MCF2L2: variants seen among roughly 807,000 people sequenced by gnomAD.
MCF2L2 encodes the protein probable guanine nucleotide exchange factor MCF2L2.
MCF2L2 carries 102 observed loss-of-function variants against 150.2 expected under a neutral mutation model. That is an observed-to-expected ratio of 0.68 (90% CI 0.58 to 0.80). The LOEUF (loss-of-function observed/expected upper bound fraction) is 0.80, where lower values mean the gene tolerates loss of function less well. Ranked by LOEUF, MCF2L2 falls within the 30% of genes least tolerant of loss-of-function variation. The probability of loss-of-function intolerance (pLI) is 0.00; values close to 1 mark genes in which losing one functional copy is unlikely to be tolerated. For synonymous variants in MCF2L2, 465 were observed against 491.3 expected (o/e 0.95, Z 0.71); for missense variants, 1,256 against 1,372.8 (o/e 0.91, Z 1.34).
At chr3:183,247,798 G>A (rs1177475704) in intron 15 of MCF2L2, among the ~76,000 whole-genome samples, 1 of 152,156 alleles carries the variant, frequency 6.6e-6, no homozygotes, top group Non-Finnish European at 1.5e-5. Context: ...ATGGGAGAGT[G>A]TGCATAGGTT....
intron 3 of MCF2L2, among the ~76,000 whole-genome samples, chr3:183,371,465 C>CT (rs56835227): frequency 0.01 from 1,268 of 126,010 alleles, 11 homozygotes; most frequent in South Asian, 0.014. Context: ...TCTGAGAAGC[C>CT]TTTTTTTTTT....
At position 183,379,296 on chromosome 3, in the gene MCF2L2, C is replaced by T; in HGVS notation, c.275+1G>A. ...GCGGCAGGACACTGTGCTCAGCTCACCTGGGGATGCTAGTCAGGTAGGTCA... is the reference window on the plus strand; with the variant it reads ...GCGGCAGGACACTGTGCTCAGCTCATCTGGGGATGCTAGTCAGGTAGGTCA... On this transcript the variant is annotated splice_donor_variant, in intron 3 of 29. Coordinates refer to ENST00000328913, the MANE Select transcript of MCF2L2 (RefSeq NM_015078.4). LOFTEE classifies it high-confidence loss of function. 3.7e-6 allele frequency: 6 copies of T among 1,604,652 alleles called. No individual in the cohort carries two copies. Among genetic ancestry groups the T allele is most frequent in the Non-Finnish European group, 5.1e-6 (6 of 1,175,674 alleles).
Position 183,311,785 on chromosome 3 carries a change from A to G in MCF2L2, c.754-13T>C, listed in dbSNP as rs1227562743. On this transcript the variant is annotated splice_polypyrimidine_tract_variant and intron_variant, in intron 7 of 29. Transcript: ENST00000328913. ...ATTTCAGCTCATCCTAGAAAATAAA[A>G]GTAGTCTCTCTTAGAACGAATTAGA... 1 of 1,613,186 alleles carries G rather than the reference A, an allele frequency of 6.2e-7. No individual in the cohort carries two copies. The highest frequency in any genetic ancestry group is 1.7e-5 in the Admixed American group (1 of 59,778).
intron 15 of MCF2L2, among the ~76,000 whole-genome samples, chr3:183,266,309 G>A (rs1029243793): frequency 1.3e-5 from 2 of 152,234 alleles, no homozygotes; most frequent in Non-Finnish European, 2.9e-5. Context: ...AGCTGCTCAG[G>A]AATAGGCAGC....
intron 15 of MCF2L2, among the ~76,000 whole-genome samples, chr3:183,240,375 G>C (rs1338528685): frequency 3.9e-5 from 6 of 152,166 alleles, no homozygotes; most frequent in African/African-American, 1.4e-4. Context: ...GGTTAAAGTT[G>C]CCTGCCACCA....
intron 15 of MCF2L2, among the ~76,000 whole-genome samples, chr3:183,262,348 C>G (rs1228589735): frequency 6.6e-5 from 10 of 151,978 alleles, no homozygotes; most frequent in Admixed American, 6.6e-4. Context: ...GTCAGCAGGA[C>G]AGGGATTAGG....
Position 183,318,122 on chromosome 3 carries a change from C to T in MCF2L2, c.699G>A (p.Met233Ile). Reference sequence around the variant, plus strand: ...ACATGAGAAGGTCTTCCGTGGATAGCATGCTTCTGGGCAGCTCTGCTGTGG... The same window carrying T: ...ACATGAGAAGGTCTTCCGTGGATAGTATGCTTCTGGGCAGCTCTGCTGTGG... ...CLATAELPRSMLSTEDLLMSH... is the reference protein window; with the variant it reads ...CLATAELPRSILSTEDLLMSH... Residue 233 changes from methionine (M) to isoleucine (I), a missense_variant, in exon 7 of 30, where the codon ATG (methionine) becomes ATA (isoleucine). Physicochemically the swap from Met to Ile is conservative, Grantham distance 10 (BLOSUM62 1). Coordinates refer to ENST00000328913, the MANE Select transcript of MCF2L2 (RefSeq NM_015078.4). 6.2e-7 allele frequency: 1 copy of T among 1,614,214 alleles called. No homozygotes were observed. Among genetic ancestry groups the T allele is most frequent in the Non-Finnish European group, 8.5e-7 (1 of 1,180,032 alleles).
rs560416572 is a variant in MCF2L2 at position 183,321,307 on chromosome 3, G to A, written c.603+1928C>T. Among the ~76,000 whole-genome samples the A allele has an allele frequency of 9.2e-5, 14 of 152,048 alleles. No individual in the cohort carries two copies. The South Asian group carries it at 1.0e-3, about 11-fold the overall frequency. On this transcript the variant is annotated intron_variant, in intron 6 of 29. Transcript: ENST00000328913. ...ACAAAAATTAGCTGGGCGTGGTGGC[G>A]CGTGCCTGTAATCCCAGTTACTTGG...
chr3:183,216,749 T>C (rs929118534), intron 21 of MCF2L2, among the ~76,000 whole-genome samples: 8 of 149,382 alleles, frequency 5.4e-5, no homozygotes, highest in Admixed American at 4.7e-4. Flanking sequence ...GGATTACAGG[T>C]GTGCGCCACC....
rs542718732 is a variant in MCF2L2 at position 183,180,175 on chromosome 3, G to A, written c.3017-16C>T. ...CTGGAGCAGCCTTAGGGAGAGAAAG[G>A]GAAGGATGGGGCCTCTGTGGGGTGG... On this transcript the variant is annotated splice_polypyrimidine_tract_variant and intron_variant, in intron 27 of 29. Coordinates refer to ENST00000328913, the MANE Select transcript of MCF2L2 (RefSeq NM_015078.4). The A allele has an allele frequency of 5.9e-5, 91 of 1,541,160 alleles. No individual in the cohort carries two copies. Among genetic ancestry groups the A allele is most frequent in the Non-Finnish European group, 5.8e-5 (65 of 1,114,694 alleles).
At chr3:183,376,203 A>C (rs1285039638) in intron 3 of MCF2L2, 1 of 152,232 alleles carries the variant, frequency 6.6e-6, no homozygotes, top group African/African-American at 2.4e-5. Context: ...TCCATCTGTG[A>C]GATAGGGGTG....
chr3:183,416,975 G>T (rs894723715), intron 1 of MCF2L2, among the ~76,000 whole-genome samples: 1 of 151,580 alleles, frequency 6.6e-6, no homozygotes, highest in Non-Finnish European at 1.5e-5. Context: ...AGCTTGGCGT[G>T]GTGGGGCGTG....
chr3:183,309,805 C>G lies in MCF2L2; in HGVS notation c.1024G>C (p.Glu342Gln), dbSNP rs1560014310. Residue 342 changes from glutamate (E) to glutamine (Q), a missense_variant, in exon 10 of 30, where the codon GAG becomes CAG. By Grantham distance (29) the Glu-to-Gln change is conservative (BLOSUM62 2). Coordinates refer to ENST00000328913, the MANE Select transcript of MCF2L2 (RefSeq NM_015078.4). ...CCAATGCCTGTAAACTCTGCTTGCT[C>G]TTCCAGCAAATTATCCAGGGCAAGC... is the stretch of plus-strand genomic sequence containing the variant. ...AKLALDNLLE[E>Q]QAEFTGIGDS... 6.2e-7 allele frequency: 1 copy of G among 1,613,842 alleles called. No individual in the cohort carries two copies. Among genetic ancestry groups the G allele is most frequent in the Non-Finnish European group, 8.5e-7 (1 of 1,180,024 alleles).
chr3:183,232,836 G>A (rs1723620358), intron 15 of MCF2L2, among the ~76,000 whole-genome samples: 1 of 152,192 alleles, frequency 6.6e-6, no homozygotes, highest in African/African-American at 2.4e-5. Context: ...AGAAAGACTG[G>A]TAAATGAGGG....
chr3:183,387,282 A>C (rs1427130723), intron 2 of MCF2L2, among the ~76,000 whole-genome samples: 2 of 151,546 alleles, frequency 1.3e-5, no homozygotes, highest in African/African-American at 4.8e-5. Context: ...AAAAAAAAGC[A>C]AAGAAAAAAA....
intron 15 of MCF2L2, among the ~76,000 whole-genome samples, chr3:183,238,240 C>T (rs1208750163): frequency 5.0e-5 from 7 of 138,862 alleles, no homozygotes; most frequent in Non-Finnish European, 9.2e-5. Context: ...ATTTTTTTTG[C>T]GATTTTTTTT....
chr3:183,348,249 G>A (rs1392644594), intron 3 of MCF2L2, among the ~76,000 whole-genome samples: 1 of 152,096 alleles, frequency 6.6e-6, no homozygotes, highest in Non-Finnish European at 1.5e-5. Flanking sequence ...CATGTTCTTT[G>A]CAGGGACATG....
At chr3:183,263,685 AC>A (rs893803110) in intron 15 of MCF2L2, among the ~76,000 whole-genome samples, 1 of 151,742 alleles carries the variant, frequency 6.6e-6, no homozygotes, top group African/African-American at 2.4e-5. Flanking sequence ...TTAGATTATT[AC>A]CCCCTGGACA....
intron 15 of MCF2L2, chr3:183,276,626 C>A: frequency 2.4e-6 from 1 of 418,212 alleles, no homozygotes; most frequent in Non-Finnish European, 4.2e-6. Context: ...TCTTGATAGC[C>A]CAATTTTTTA....
Sources: gnomAD v4.1 joint callset for allele counts (sites outside exome capture counted in the v4.1 genomes callset) on GRCh38, gnomAD v4.1.1 for gene constraint, MANE v1.5 for transcripts, NCBI Gene and HGNC (gene_info 2026-07-23, HGNC 2026-07-21) for gene names.